Variants in MNS1 observed in about 807,000 individuals in gnomAD.
The protein encoded by MNS1 is meiosis-specific nuclear structural protein 1.
A neutral mutation model predicts 72.0 loss-of-function variants in MNS1; 63 were observed. The ratio of observed to expected loss-of-function variants is 0.87; its 90% confidence interval spans 0.71 to 1.08. The LOEUF (loss-of-function observed/expected upper bound fraction) is 1.08. MNS1 is among the 50% of genes least tolerant of loss of function. The pLI, the probability that MNS1 is intolerant of heterozygous loss-of-function variation, is 0.00. For missense variants in MNS1, 604 were observed against 562.4 expected (o/e 1.07, Z -0.75); for synonymous variants, 188 against 172.1 (o/e 1.09, Z -0.72).
intron 2 of MNS1, among the ~76,000 whole-genome samples, chr15:56,461,983 T>C (rs879646747): frequency 7.9e-6 from 1 of 126,872 alleles, no homozygotes; most frequent in Non-Finnish European, 1.7e-5. Context: ...TTGTTTTTTT[T>C]TTTTTTTTTT....
At chr15:56,442,030 TAATAA>T (rs1317562838) in intron 7 of MNS1, among the ~76,000 whole-genome samples, 102 of 151,246 alleles carry the variant, frequency 6.7e-4, no homozygotes, top group African/African-American at 1.8e-3. Context: ...CAAAAAATAA[TAATAA>T]AATAAAATAA....
chr15:56,437,734 A>G (rs2050752921), intron 7 of MNS1, among the ~76,000 whole-genome samples: 1 of 152,180 alleles, frequency 6.6e-6, no homozygotes, highest in African/African-American at 2.4e-5. Context: ...CTCAGCCCCA[A>G]ATCTCCTTAA....
intron 8 of MNS1, among the ~76,000 whole-genome samples, chr15:56,433,549 GGT>G (rs2050657131): frequency 6.6e-6 from 1 of 151,914 alleles, no homozygotes; most frequent in Non-Finnish European, 1.5e-5. Flanking sequence ...ACATCTCTCG[GGT>G]GGATCCCTTA....
intron 2 of MNS1, among the ~76,000 whole-genome samples, chr15:56,461,140 G>A (rs1055450721): frequency 1.3e-5 from 2 of 152,106 alleles, no homozygotes; most frequent in East Asian, 3.9e-4. Context: ...CTGATCGGAT[G>A]AGGCCCACCT....
chr15:56,450,860 G>C (rs2050942379), intron 3 of MNS1, among the ~76,000 whole-genome samples: 1 of 152,078 alleles, frequency 6.6e-6, no homozygotes, highest in East Asian at 1.9e-4. Flanking sequence ...AGCAATTTCT[G>C]AGGGTTCCAA....
chr15:56,431,325 C>A, intron 9 of MNS1, 48 bp downstream of exon 9: 1 of 1,577,704 alleles, frequency 6.3e-7, no homozygotes, highest in South Asian at 1.2e-5. Context: ...ATGTTTTTTT[C>A]ACTATTACAG....
At chr15:56,447,071 A>G (rs1359109589) in intron 3 of MNS1, 128 bp from the exon 4 acceptor site, 4 of 634,432 alleles carry the variant, frequency 6.3e-6, no homozygotes, top group African/African-American at 5.5e-5. Context: ...TTTTAGATCC[A>G]TAGGAGAAAT....
intron 9 of MNS1, among the ~76,000 whole-genome samples, chr15:56,430,651 A>G (rs2050563848): frequency 6.6e-6 from 1 of 152,172 alleles, no homozygotes; most frequent in Admixed American, 6.5e-5. Context: ...CCATGTGCCT[A>G]TTACTGGTGT....
chr15:56,443,881 T>C, intron 5 of MNS1, 27 bp from the exon 6 acceptor site: 1 of 1,461,326 alleles, frequency 6.8e-7, no homozygotes, highest in Non-Finnish European at 9.3e-7. Flanking sequence ...AGTACAGATT[T>C]ATAGTAAACA....
At chr15:56,452,021 T>C (rs2050950758) in intron 3 of MNS1, among the ~76,000 whole-genome samples, 1 of 152,214 alleles carries the variant, frequency 6.6e-6, no homozygotes, top group Non-Finnish European at 1.5e-5. Context: ...CAAATATGTT[T>C]ACTATAACTA....
At chr15:56,449,785 A>T (rs1404546779) in intron 3 of MNS1, among the ~76,000 whole-genome samples, 1 of 152,206 alleles carries the variant, frequency 6.6e-6, no homozygotes, top group Admixed American at 6.5e-5. Flanking sequence ...CAGTTTGGTA[A>T]AATGTGCTAA....
chr15:56,448,856 C>T (rs181612425), intron 3 of MNS1, among the ~76,000 whole-genome samples: 10 of 151,084 alleles, frequency 6.6e-5, no homozygotes, highest in African/African-American at 2.2e-4. Flanking sequence ...CAGGTTCACG[C>T]GATTCTCCTG....
In MNS1 at chr15:56,456,479, CT is replaced by C; in HGVS notation, c.267del (p.Glu90LysfsTer11). On this transcript the variant is annotated frameshift_variant, in exon 3 of 10. Coordinates refer to ENST00000260453, the MANE Select transcript of MNS1 (RefSeq NM_018365.4). LOFTEE classifies it high-confidence loss of function. The stretch of plus-strand genomic sequence containing the variant: ...GCCAATTCCATAGCCAGTTTTTCTT[CT>C]TGTTTGAGCTGGAGTTCTTTCAATC... Reference protein sequence around the residue: ...NKRLKELQLKQEEKLAMELAK... With the variant: ...NKRLKELQLKXEEKLAMELAK... 6.2e-7 allele frequency: 1 copy of C among 1,611,768 alleles called. No homozygotes were observed. Among genetic ancestry groups the C allele is most frequent in the Non-Finnish European group, 8.5e-7 (1 of 1,179,236 alleles).
Position 56,465,060 on chromosome 15 carries a change from A to T in MNS1, c.-88T>A. The T allele has an allele frequency of 6.5e-7, 1 of 1,548,236 alleles. No individual in the cohort carries two copies. Among genetic ancestry groups the T allele is most frequent in the Non-Finnish European group, 8.7e-7 (1 of 1,146,160 alleles). On this transcript the variant is annotated 5_prime_UTR_variant, in exon 1 of 10. Transcript: ENST00000260453. ...AGCAGCCAGCAGCCCCAAGGAGCGC[A>T]CCTGGCTGCGCGCGCTCGGGTGTTT...
At position 56,429,081 on chromosome 15, in the gene MNS1, T is replaced by G; in HGVS notation, c.*20A>C. On this transcript the variant is annotated 3_prime_UTR_variant, in exon 10 of 10. Transcript: ENST00000260453. ...GTGGTAACATGCAAAAAATCTATGC[T>G]TTACCCAATTTTGATGATATCATTT... The G allele has an allele frequency of 6.6e-7, 1 of 1,514,842 alleles. No homozygotes were observed. The highest frequency in any genetic ancestry group is 1.4e-5 in the African/African-American group (1 of 71,194). 93.8% of individuals were successfully genotyped at this position (1,514,842 alleles called of 1,614,324 possible).
At chr15:56,439,043 G>T (rs144840871) in intron 7 of MNS1, among the ~76,000 whole-genome samples, 1 of 152,040 alleles carries the variant, frequency 6.6e-6, no homozygotes, top group African/African-American at 2.4e-5. Context: ...AGACATGCCT[G>T]ACTATGTAGG....
At chr15:56,436,538 T>C (rs1567148402) in intron 7 of MNS1, among the ~76,000 whole-genome samples, 1 of 151,984 alleles carries the variant, frequency 6.6e-6, no homozygotes, top group Admixed American at 6.6e-5. Flanking sequence ...AACATCACAA[T>C]TAAAAGAACT....
chr15:56,438,420 C>G (rs545302904), intron 7 of MNS1, among the ~76,000 whole-genome samples: 1 of 152,100 alleles, frequency 6.6e-6, no homozygotes, highest in East Asian at 1.9e-4. Context: ...ATAAATGGTG[C>G]TGGAAAAACT....
chr15:56,455,260 A>C (rs1161425867), intron 3 of MNS1, among the ~76,000 whole-genome samples: 7 of 151,474 alleles, frequency 4.6e-5, no homozygotes, highest in Non-Finnish European at 8.9e-5. Context: ...AAAAAAAAAA[A>C]AAAAAAAAAA....
Sources: gnomAD v4.1 joint callset for allele counts (sites outside exome capture counted in the v4.1 genomes callset) on GRCh38, gnomAD v4.1.1 for gene constraint, MANE v1.5 for transcripts, NCBI Gene and HGNC (gene_info 2026-07-23, HGNC 2026-07-21) for gene names.